PPFIA1: variants seen among roughly 807,000 people sequenced by gnomAD.
PPFIA1 encodes the protein liprin-alpha-1.
In PPFIA1, 25 loss-of-function variants were observed where a neutral mutation model predicts 149.9. The observed-to-expected ratio is 0.17, with a 90% CI of 0.12 to 0.23. The LOEUF is 0.23. Ranked by LOEUF, PPFIA1 falls within the 10% of genes least tolerant of loss-of-function variation. PPFIA1 has a pLI of 1.00. For missense variants in PPFIA1, 1,362 were observed against 1,506.5 expected, an observed-to-expected ratio of 0.90 and a Z score of 1.59; for synonymous variants, 549 against 552.8, an observed-to-expected ratio of 0.99 and a Z score of 0.10.
At chr11:70,317,403 C>T (rs142510732) in intron 2 of PPFIA1, among the ~76,000 whole-genome samples, 104 of 152,264 alleles carry the variant, frequency 6.8e-4, no homozygotes, top group African/African-American at 2.5e-3. Flanking sequence ...TTCTTCTGAG[C>T]AGAGAGAAAG....
At chr11:70,341,586 G>A (rs561374679) in intron 14 of PPFIA1, among the ~76,000 whole-genome samples, 11 of 152,270 alleles carry the variant, frequency 7.2e-5, no homozygotes, top group South Asian at 4.1e-4. Flanking sequence ...GAATATCACA[G>A]TCTGGAACCC....
intron 21 of PPFIA1, among the ~76,000 whole-genome samples, chr11:70,369,216 A>C (rs76721296): frequency 0.029 from 4,386 of 152,252 alleles, 243 homozygotes; most frequent in African/African-American, 0.1. Flanking sequence ...AAATCTTGTC[A>C]AATGCTTTTT....
chr11:70,354,308 C>G lies in PPFIA1; in HGVS notation c.2171C>G (p.Pro724Arg). 6.2e-7 allele frequency: 1 copy of G among 1,612,402 alleles called. No homozygotes were observed. Among genetic ancestry groups the G allele is most frequent in the Non-Finnish European group, 8.5e-7 (1 of 1,179,260 alleles). ...DRLGVMTLLPPSREEVRDDKT... is the reference protein window; with the variant it reads ...DRLGVMTLLPRSREEVRDDKT... ...ACTTCTCTCACCCCTCAGTTGCCAC[C>G]TTCCAGAGAAGAGGTACGAGATGAC... Residue 724 changes from proline to arginine, a missense_variant, in exon 17 of 28, where the codon CCT becomes CGT. This residue lies in a region of PPFIA1 where 733 missense variants were observed against 744.1 expected (regional missense o/e 0.99). Transcript: ENST00000253925.
At chr11:70,345,793 C>G (rs2055656734) in intron 15 of PPFIA1, 2 of 209,240 alleles carry the variant, frequency 9.6e-6, no homozygotes, top group South Asian at 1.1e-4. Flanking sequence ...TGCTGCTGCC[C>G]TCCAGCCAGG....
intron 2 of PPFIA1, among the ~76,000 whole-genome samples, chr11:70,291,654 C>T (rs1591075576): frequency 6.6e-6 from 1 of 152,192 alleles, no homozygotes; most frequent in East Asian, 1.9e-4. Flanking sequence ...GATCTGCTGA[C>T]TTAAATGAAT....
chr11:70,328,475 A>G (rs1337262543), intron 7 of PPFIA1, among the ~76,000 whole-genome samples: 2 of 152,128 alleles, frequency 1.3e-5, no homozygotes, highest in Admixed American at 6.5e-5. Flanking sequence ...TATGGAGTCT[A>G]TCATTGATGG....
chr11:70,326,653 C>G lies in PPFIA1; in HGVS notation c.765C>G (p.Leu255=). 6.2e-7 allele frequency: 1 copy of G among 1,614,038 alleles called. No individual in the cohort carries two copies. The highest frequency in any genetic ancestry group is 8.5e-7 in the Non-Finnish European group (1 of 1,180,018). ...AAGACCTTGCTAAAGTAATTGAGCTCCAAGAAATCATAAGTAAGCAGTCAA... is the reference window on the plus strand; with the variant it reads ...AAGACCTTGCTAAAGTAATTGAGCTGCAAGAAATCATAAGTAAGCAGTCAA... The part of the protein sequence containing the change: ...HEEDLAKVIE[L]QEIISKQSRE... The change falls in exon 7 of 28, where the codon CTC becomes CTG. Residue 255 remains leucine, a synonymous_variant. Coordinates refer to ENST00000253925, the MANE Select transcript of PPFIA1 (RefSeq NM_003626.5).
intron 12 of PPFIA1, 143 bp from the exon 13 acceptor site, chr11:70,338,230 AT>A (rs2055099441): frequency 3.1e-6 from 2 of 644,552 alleles, no homozygotes; most frequent in Admixed American, 3.0e-5. Context: ...CTTGGAGAAA[AT>A]TTTCCCAGAA....
At chr11:70,324,155 C>G (rs916964462) in intron 2 of PPFIA1, among the ~76,000 whole-genome samples, 1 of 152,220 alleles carries the variant, frequency 6.6e-6, no homozygotes, top group Non-Finnish European at 1.5e-5. Context: ...CTTGGATTCC[C>G]CTTCTTTCCC....
intron 2 of PPFIA1, among the ~76,000 whole-genome samples, chr11:70,282,070 G>A (rs577040549): frequency 6.6e-6 from 1 of 151,354 alleles, no homozygotes; most frequent in Admixed American, 6.6e-5. Context: ...TCATGACATT[G>A]TCCAGTTTCT....
At position 70,300,224 on chromosome 11, in the gene PPFIA1, C is replaced by T. The variant is rs76276677; in HGVS notation, c.265-24178C>T. ...CAGACTCCTCTTCATTACCATGCGCCCCTCAAAGCCAAAGTCAAGCCTGCA... is the reference window on the plus strand; with the variant it reads ...CAGACTCCTCTTCATTACCATGCGCTCCTCAAAGCCAAAGTCAAGCCTGCA... On this transcript the variant is annotated intron_variant, in intron 2 of 27. Transcript: ENST00000253925. Among the ~76,000 whole-genome samples the T allele has an allele frequency of 6.0e-3, 908 of 152,258 alleles. 10 individuals are homozygous for T. Among genetic ancestry groups the T allele is most frequent in the African/African-American group, 0.02 (820 of 41,546 alleles).
At chr11:70,309,413 C>T (rs915847900) in intron 2 of PPFIA1, among the ~76,000 whole-genome samples, 1 of 152,152 alleles carries the variant, frequency 6.6e-6, no homozygotes, top group African/African-American at 2.4e-5. Flanking sequence ...AGGTGATCTG[C>T]CCGCCTTGGC....
At chr11:70,332,514 TA>T (rs1360016186) in intron 9 of PPFIA1, among the ~76,000 whole-genome samples, 2 of 152,188 alleles carry the variant, frequency 1.3e-5, no homozygotes, top group East Asian at 3.9e-4. Flanking sequence ...TGAAATTACT[TA>T]AAAATGTATT....
At chr11:70,284,092 C>A (rs759411802) in intron 2 of PPFIA1, 6 of 485,618 alleles carry the variant, frequency 1.2e-5, no homozygotes, top group Non-Finnish European at 2.1e-5. Context: ...TTGTTGAGTG[C>A]TGCAAACAAG....
intron 2 of PPFIA1, among the ~76,000 whole-genome samples, chr11:70,307,402 C>T (rs1012778435): frequency 1.3e-5 from 2 of 152,094 alleles, no homozygotes; most frequent in African/African-American, 4.8e-5. Context: ...GGATGTTATG[C>T]ACCGATATGG....
At chr11:70,325,435 A>C in intron 4 of PPFIA1, 65 bp from the exon 5 acceptor site, 1 of 1,053,978 alleles carries the variant, frequency 9.5e-7, no homozygotes, top group Non-Finnish European at 1.4e-6. Context: ...ACACTTAACT[A>C]TATATTAAGA....
At chr11:70,287,135 G>T (rs1310289000) in intron 2 of PPFIA1, among the ~76,000 whole-genome samples, 1 of 151,480 alleles carries the variant, frequency 6.6e-6, no homozygotes. Context: ...TTACAGGCGT[G>T]AGCCACCACG....
rs1196771692 is a variant in PPFIA1 at position 70,272,237 on chromosome 11, A to G, written c.65A>G (p.His22Arg). The change falls in exon 2 of 28, where the codon CAT (histidine) becomes CGT (arginine). Residue 22 changes from histidine (H) to arginine (R), a missense_variant. Coordinates refer to ENST00000253925, the MANE Select transcript of PPFIA1 (RefSeq NM_003626.5). ...AEGPPGGGGG[H>R]GSGSPSQPDA... ...GGCCCCCCTGGAGGAGGTGGAGGCC[A>G]TGGTTCCGGCTCCCCTTCACAGCCA... is the stretch of plus-strand genomic sequence containing the variant. 3.1e-6 allele frequency: 5 copies of G among 1,614,116 alleles called. No individual in the cohort carries two copies. The highest frequency in any genetic ancestry group is 1.7e-4 in the Middle Eastern group (1 of 6,046).
In PPFIA1 at chr11:70,362,195, A is replaced by G; in HGVS notation, c.2664+19A>G. Reference sequence around the variant, plus strand: ...GCTAGAGGTACATCCTTCATTTAACATGCAGTTGCGTGGGTTACAGTATGT... The same window carrying G: ...GCTAGAGGTACATCCTTCATTTAACGTGCAGTTGCGTGGGTTACAGTATGT... On this transcript the variant is annotated intron_variant, in intron 20 of 27. Transcript: ENST00000253925. 1 of 1,613,646 alleles carries G rather than the reference A, an allele frequency of 6.2e-7. No homozygotes were observed. Among genetic ancestry groups the G allele is most frequent in the African/African-American group, 1.3e-5 (1 of 74,962 alleles).
Sources: gnomAD v4.1 joint callset for allele counts (sites outside exome capture counted in the v4.1 genomes callset) on GRCh38, gnomAD v4.1.1 for gene constraint, gnomAD v4.1.1 regional missense constraint, MANE v1.5 for transcripts, NCBI Gene and HGNC (gene_info 2026-07-23, HGNC 2026-07-21) for gene names.